Variants in TRPM2 observed in about 807,000 individuals in gnomAD.
TRPM2 encodes the protein transient receptor potential cation channel subfamily M member 2.
Under a neutral mutation model 174.0 loss-of-function variants are expected in TRPM2, and 161 were observed. The ratio of observed to expected loss-of-function variants is 0.93; its 90% CI spans 0.81 to 1.05. The LOEUF (loss-of-function observed/expected upper bound fraction) is 1.05, where lower values mean the gene tolerates loss of function less well. Ranked by LOEUF, TRPM2 falls within the 50% of genes least tolerant of loss-of-function variation. The probability of loss-of-function intolerance (pLI) is 0.00; values close to 1 mark genes in which losing one functional copy is unlikely to be tolerated. For synonymous variants in TRPM2, 954 were observed against 861.3 expected, an observed-to-expected ratio of 1.11 and a Z score of -1.88; for missense variants, 2,057 against 2,038.0, an observed-to-expected ratio of 1.01 and a Z score of -0.18.
At chr21:44,377,282 C>T (rs75229623) in intron 6 of TRPM2, among the ~76,000 whole-genome samples, 2,232 of 152,316 alleles carry the variant, frequency 0.015, 42 homozygotes, top group African/African-American at 0.051. Context: ...ATGGACGTGC[C>T]GCATGCTGCT....
At chr21:44,407,931 AT>A (rs549069838) in intron 19 of TRPM2, among the ~76,000 whole-genome samples, 250 of 148,368 alleles carry the variant, frequency 1.7e-3, no homozygotes, top group East Asian at 0.012. Flanking sequence ...TTAATATTTA[AT>A]TTTTTTTTTC....
At chr21:44,380,848 C>T (rs1461172795) in intron 8 of TRPM2, among the ~76,000 whole-genome samples, 4 of 152,172 alleles carry the variant, frequency 2.6e-5, no homozygotes, top group African/African-American at 7.2e-5. Context: ...ACTGAGTGCT[C>T]GACTCAGACG....
chr21:44,361,560 A>G lies in TRPM2; in HGVS notation c.255-2554A>G, dbSNP rs567226524. 2.2e-3 allele frequency among the ~76,000 whole-genome samples: 331 copies of G among 151,712 alleles called. 2 individuals carry two copies. The highest frequency in any genetic ancestry group is 7.8e-3 in the African/African-American group (321 of 41,352). ...TGTCAATCTGTTTTTTAATTGTCAT[A>G]TTTAGAAAATTTATATTTAGTGTAA... On this transcript the variant is annotated intron_variant, in intron 2 of 31. Transcript: ENST00000397928.
In TRPM2 at chr21:44,418,566, T is replaced by C. The variant is rs1161489138; in HGVS notation, c.3461+11T>C. On this transcript the variant is annotated intron_variant, in intron 22 of 31. Coordinates refer to ENST00000397928, the MANE Select transcript of TRPM2 (RefSeq NM_003307.4). ...GGACATCAGCAATAAGTATGGGGGCTCCGGTGGGCCTGGGGGCGGGAAGCC... is the reference window on the plus strand; with the variant it reads ...GGACATCAGCAATAAGTATGGGGGCCCCGGTGGGCCTGGGGGCGGGAAGCC... 6.2e-7 allele frequency: 1 copy of C among 1,613,336 alleles called. No homozygotes were observed. The highest frequency in any genetic ancestry group is 2.2e-5 in the East Asian group (1 of 44,868).
At chr21:44,385,411 A>G (rs1403049251) in intron 9 of TRPM2, among the ~76,000 whole-genome samples, 1 of 152,166 alleles carries the variant, frequency 6.6e-6, no homozygotes, top group East Asian at 1.9e-4. Flanking sequence ...TAAACCAACA[A>G]CCTAACTTTA....
rs1284913098 is a variant in TRPM2, at chr21:44,435,174, A to T, written c.4018A>T (p.Ser1340Cys). Residue 1340 changes from serine to cysteine, a missense_variant, in exon 28 of 32, where the codon AGC becomes TGC. By Grantham distance (112) the Ser-to-Cys change is moderately radical. Coordinates refer to ENST00000397928, the MANE Select transcript of TRPM2 (RefSeq NM_003307.4). ...AGGACTGCGTGGGCGCGGGAGCCTC[A>T]GCTGCTTCGGACCCAACCACACGCT... ...RTGLRGRGSLSCFGPNHTLYP... is the reference protein window; with the variant it reads ...RTGLRGRGSLCCFGPNHTLYP... 2.5e-6 allele frequency: 4 copies of T among 1,613,444 alleles called. No homozygotes were observed. The highest frequency in any genetic ancestry group is 3.4e-6 in the Non-Finnish European group (4 of 1,179,606).
intron 20 of TRPM2, 74 bp from the exon 21 acceptor site, chr21:44,417,853 C>T: frequency 4.0e-6 from 6 of 1,490,488 alleles, no homozygotes; most frequent in Non-Finnish European, 5.5e-6. Flanking sequence ...TCACAGTGGG[C>T]ACGCAGGCGG....
In TRPM2 at chr21:44,434,087, G is replaced by A. The variant is rs577100413; in HGVS notation, c.3975-1044G>A. On this transcript the variant is annotated intron_variant, in intron 27 of 31. Transcript: ENST00000397928. ...TCCTGGAGCAGCCACGCACTGCCGCGCAGACTCAGGAGGATGGAGTCTAGG... is the reference window on the plus strand; with the variant it reads ...TCCTGGAGCAGCCACGCACTGCCGCACAGACTCAGGAGGATGGAGTCTAGG... Among the ~76,000 whole-genome samples, 9 of 152,222 alleles carry A rather than the reference G, an allele frequency of 5.9e-5. No individual in the cohort carries two copies. In the East Asian group the frequency reaches 1.2e-3, roughly 20 times the overall value.
chr21:44,366,733 G>A lies in TRPM2; in HGVS notation c.424-21G>A, dbSNP rs200370003. On this transcript the variant is annotated intron_variant, in intron 3 of 31. Coordinates refer to ENST00000397928, the MANE Select transcript of TRPM2 (RefSeq NM_003307.4). The surrounding 1 kb of genome is among the most constrained non-coding windows in gnomAD (Gnocchi z 6.0). ...GACCACTGACACACAGGTTCCCTCC[G>A]CCGTTTTCCCTTTCCCGCAGTACGT... 17 of 1,613,372 alleles carry A rather than the reference G, an allele frequency of 1.1e-5. No individual in the cohort carries two copies. Among genetic ancestry groups the A allele is most frequent in the Admixed American group, 5.0e-5 (3 of 59,984 alleles).
In TRPM2 at chr21:44,441,829, G is replaced by A. The variant is rs368244125; in HGVS notation, c.*12G>A. Reference sequence around the variant, plus strand: ...GGGCTCACTACTGACTGTGCCCTCAGGCTGGGCGGCTCCAGTCCATAGACG... The same window carrying A: ...GGGCTCACTACTGACTGTGCCCTCAAGCTGGGCGGCTCCAGTCCATAGACG... On this transcript the variant is annotated 3_prime_UTR_variant, in exon 32 of 32. Transcript: ENST00000397928. The A allele has an allele frequency of 1.3e-6, 2 of 1,595,386 alleles. No individual in the cohort carries two copies. The highest frequency in any genetic ancestry group is 1.7e-5 in the Admixed American group (1 of 58,232).
rs1027934600 is a variant in TRPM2, at chr21:44,399,583, G to A, written c.2208+142G>A. The A allele has an allele frequency of 3.0e-5, 35 of 1,164,132 alleles. No homozygotes were observed. The African/African-American group carries it at 3.5e-4, about 12-fold the overall frequency. The allele number at this position is 1,164,132 out of a possible 1,614,324, so 72.1% of individuals were successfully genotyped here. A position where few individuals can be genotyped will look rare whatever the true frequency, so the allele number is the denominator to read the frequency against. On this transcript the variant is annotated intron_variant, in intron 14 of 31. Transcript: ENST00000397928. This position sits in a 1 kb window ranked among gnomAD's most constrained non-coding sequence, Gnocchi z 4.6. ...GCTCGGGGACAGCGCCTGACCCCTC[G>A]GCCACCTGCTCCAGGCTCTGGCCTC...
intron 19 of TRPM2, among the ~76,000 whole-genome samples, chr21:44,413,620 AGTGCCCTGGTG>A (rs2050178026): frequency 6.6e-6 from 1 of 152,204 alleles, no homozygotes; most frequent in Non-Finnish European, 1.5e-5. Flanking sequence ...GGACCCTGGC[AGTGCCCTGGTG>A]GGTGGCACAC....
chr21:44,368,633 T>C (rs934737712), intron 4 of TRPM2, among the ~76,000 whole-genome samples: 5 of 151,806 alleles, frequency 3.3e-5, no homozygotes, highest in Admixed American at 6.6e-5. Context: ...GGTTTCACCA[T>C]GTTGGCCAGG....
intron 11 of TRPM2, among the ~76,000 whole-genome samples, chr21:44,392,343 C>T (rs2049205416): frequency 1.3e-5 from 2 of 149,446 alleles, no homozygotes; most frequent in Middle Eastern, 3.4e-3. Flanking sequence ...CCGTACCTTC[C>T]ACCTCCCAGG....
At position 44,376,492 on chromosome 21, in the gene TRPM2, C is replaced by T. The variant is rs1256296039; in HGVS notation, c.952+479C>T. The stretch of plus-strand genomic sequence containing the variant: ...CGAACTTCTGGGCTCAAGGGATCCT[C>T]CCATCACCCTCCCAAAGTGCTGGGA... On this transcript the variant is annotated intron_variant, in intron 6 of 31. Transcript: ENST00000397928. This position sits in a 1 kb window ranked among gnomAD's most constrained non-coding sequence, Gnocchi z 4.2. Among the ~76,000 whole-genome samples, 1 of 152,114 alleles carries T rather than the reference C, an allele frequency of 6.6e-6. No homozygotes were observed. Among genetic ancestry groups the T allele is most frequent in the Non-Finnish European group, 1.5e-5 (1 of 68,026 alleles).
At chr21:44,418,692 C>T (rs112980255) in intron 22 of TRPM2, 137 bp downstream of exon 22, 5 of 1,143,994 alleles carry the variant, frequency 4.4e-6, no homozygotes, top group African/African-American at 1.5e-5. Flanking sequence ...TATCCCGTGG[C>T]CCCTGCAATG....
chr21:44,385,910 C>T (rs2049004182), intron 9 of TRPM2, among the ~76,000 whole-genome samples: 1 of 152,196 alleles, frequency 6.6e-6, no homozygotes, highest in Non-Finnish European at 1.5e-5. Context: ...CAACTACCTC[C>T]ACCTGGTCTC....
chr21:44,425,009 AG>A, intron 24 of TRPM2, 70 bp downstream of exon 24: 1 of 1,374,200 alleles, frequency 7.3e-7, no homozygotes, highest in Non-Finnish European at 9.9e-7. Flanking sequence ...GTCAGTTGGG[AG>A]GAGAGGCAGC....
chr21:44,410,828 A>G (rs868105516), intron 19 of TRPM2, among the ~76,000 whole-genome samples: 5 of 55,038 alleles, frequency 9.1e-5, no homozygotes, highest in East Asian at 7.2e-4. Flanking sequence ...TGTCTTGGTG[A>G]GCGTAGCCTT....
Sources: allele counts gnomAD v4.1 joint callset (sites outside exome capture counted in the v4.1 genomes callset), GRCh38; gene constraint gnomAD v4.1.1; non-coding constraint Gnocchi (gnomAD v3.1); transcripts MANE v1.5; gene names NCBI Gene and HGNC (gene_info 2026-07-23, HGNC 2026-07-21).